Variants in NAALADL2 observed in about 807,000 individuals in gnomAD.
NAALADL2 encodes N-acetylated alpha-linked acidic dipeptidase like 2.
In NAALADL2, 76 loss-of-function variants were observed where a neutral mutation model predicts 87.2. The ratio of observed to expected loss-of-function variants is 0.87; its 90% confidence interval spans 0.72 to 1.05. NAALADL2 has a LOEUF of 1.05. NAALADL2 is among the 50% of genes least tolerant of loss of function. The probability of loss-of-function intolerance (pLI) is 0.00; values close to 1 mark genes in which losing one functional copy is unlikely to be tolerated. For missense variants in NAALADL2, 1,089 were observed against 945.8 expected (o/e 1.15, Z -1.99); for synonymous variants, 354 against 331.0 (o/e 1.07, Z -0.75).
At chr3:175,335,813 G>A (rs189567782) in intron 5 of NAALADL2, among the ~76,000 whole-genome samples, 1 of 152,084 alleles carries the variant, frequency 6.6e-6, no homozygotes, top group Non-Finnish European at 1.5e-5. Flanking sequence ...TGAATCTCTG[G>A]AATATTATGT....
intron 4 of NAALADL2, among the ~76,000 whole-genome samples, chr3:175,277,895 T>TCCCTGATCCCAC (rs1332906641): frequency 6.6e-6 from 1 of 152,198 alleles, no homozygotes; most frequent in Admixed American, 6.5e-5. Context: ...GTTACTTTCT[T>TCCCTGATCCCAC]AGACAATGCT....
At chr3:174,745,049 A>G (rs1415457642) in intron 3 of NAALADL2, among the ~76,000 whole-genome samples, 2 of 152,090 alleles carry the variant, frequency 1.3e-5, no homozygotes, top group African/African-American at 2.4e-5. Context: ...TAGAGAATTA[A>G]AAGCAAACAA....
At chr3:175,408,239 C>T (rs1213587624) in intron 5 of NAALADL2, among the ~76,000 whole-genome samples, 8 of 151,970 alleles carry the variant, frequency 5.3e-5, no homozygotes, top group Admixed American at 5.2e-4. Context: ...AATAGCAATG[C>T]ATTGTATATT....
chr3:175,300,755 T>TTATTTTTATTTA (rs774634887), intron 4 of NAALADL2, among the ~76,000 whole-genome samples: 39 of 146,376 alleles, frequency 2.7e-4, no homozygotes, highest in East Asian at 7.9e-4. Context: ...ATTTATTTAT[T>TTATTTTTATTTA]TTTATTTATT....
At chr3:175,625,212 T>C (rs189928664) in intron 10 of NAALADL2, among the ~76,000 whole-genome samples, 128 of 152,114 alleles carry the variant, frequency 8.4e-4, no homozygotes, top group African/African-American at 2.7e-3. Flanking sequence ...CCTTGGATAG[T>C]TACAGTTCTA....
At chr3:174,847,684 C>T (rs540434574) in intron 3 of NAALADL2, among the ~76,000 whole-genome samples, 25 of 152,070 alleles carry the variant, frequency 1.6e-4, no homozygotes, top group African/African-American at 5.8e-4. Flanking sequence ...TTACTTAGCA[C>T]CATTTTATGG....
intron 9 of NAALADL2, among the ~76,000 whole-genome samples, chr3:175,509,749 G>C (rs1267564249): frequency 6.6e-6 from 1 of 152,198 alleles, no homozygotes; most frequent in Non-Finnish European, 1.5e-5. Flanking sequence ...AGGGGAAGAG[G>C]TTTAATTGAC....
chr3:174,583,425 A>G lies in NAALADL2; in HGVS notation c.-115+32788A>G, dbSNP rs191953147. Among the ~76,000 whole-genome samples, 263 of 152,350 alleles carry G rather than the reference A, an allele frequency of 1.7e-3. 1 individual carries two copies. Among genetic ancestry groups the G allele is most frequent in the Non-Finnish European group, 2.9e-3 (198 of 68,034 alleles). ...TATTTTAGTTAACCCAAAAAGTAAC[A>G]TGGGATGGTTCAATCTGGCTTATTT... On this transcript the variant is annotated intron_variant, in intron 2 of 3. Transcript: ENST00000434257.
At chr3:174,563,650 GATTA>G (rs1206018345) in intron 2 of NAALADL2, among the ~76,000 whole-genome samples, 2 of 151,582 alleles carry the variant, frequency 1.3e-5, no homozygotes, top group African/African-American at 4.8e-5. Context: ...TTTCCATTAT[GATTA>G]ATTTATTTTC....
At chr3:174,689,471 C>T (rs541350421) in intron 2 of NAALADL2, among the ~76,000 whole-genome samples, 3 of 151,626 alleles carry the variant, frequency 2.0e-5, no homozygotes, top group African/African-American at 7.3e-5. Flanking sequence ...TTTCTGTTAT[C>T]CCATTCAACC....
chr3:175,045,340 T>A (rs553884888), intron 1 of NAALADL2, among the ~76,000 whole-genome samples: 1 of 152,190 alleles, frequency 6.6e-6, no homozygotes, highest in African/African-American at 2.4e-5. Flanking sequence ...GTTATTTCCT[T>A]GTACAGAATT....
chr3:174,461,221 A>C (rs1007361950), intron 1 of NAALADL2, among the ~76,000 whole-genome samples: 1 of 152,112 alleles, frequency 6.6e-6, no homozygotes, highest in African/African-American at 2.4e-5. Context: ...TGTATGCAAA[A>C]TGAATGTTTT....
rs77803683 is a variant in NAALADL2 at position 175,003,026 on chromosome 3, T to C, written c.44-93764T>C. 1.8e-3 allele frequency among the ~76,000 whole-genome samples: 272 copies of C among 152,314 alleles called. 2 individuals carry two copies. Among genetic ancestry groups the C allele is most frequent in the African/African-American group, 6.1e-3 (255 of 41,582 alleles). ...GGGACATCTTTTCTGATTAGTTTCA[T>C]AAACATTTGTATTAGTCACCAGTGC... On this transcript the variant is annotated intron_variant, in intron 1 of 13. Transcript: ENST00000454872.
In NAALADL2 at chr3:175,303,850, CT is replaced by C. The variant is rs922382122; in HGVS notation, c.940-20323del. ...CTTGATTTCACAATTTACCAATTGC[CT>C]TACATTACTAGAGTCCTTTCTAGAA... On this transcript the variant is annotated intron_variant, in intron 4 of 13. Transcript: ENST00000454872. 3.3e-5 allele frequency among the ~76,000 whole-genome samples: 5 copies of C among 152,248 alleles called. No individual in the cohort carries two copies. In the South Asian group the frequency reaches 1.0e-3, roughly 32 times the overall value.
intron 2 of NAALADL2, among the ~76,000 whole-genome samples, chr3:174,670,525 T>G (rs1025748930): frequency 1.3e-5 from 2 of 152,022 alleles, no homozygotes; most frequent in African/African-American, 4.8e-5. Flanking sequence ...CAACACAAAT[T>G]TATTAAGTAC....
chr3:174,480,889 A>G (rs775771839), intron 1 of NAALADL2, among the ~76,000 whole-genome samples: 2 of 152,090 alleles, frequency 1.3e-5, no homozygotes, highest in African/African-American at 2.4e-5. Context: ...CTCCTTGTAC[A>G]TACAGGTCCG....
intron 1 of NAALADL2, among the ~76,000 whole-genome samples, chr3:174,910,166 A>G (rs1255759211): frequency 1.4e-5 from 2 of 142,656 alleles, no homozygotes; most frequent in Non-Finnish European, 3.0e-5. Flanking sequence ...GTTTATATAC[A>G]TATATATATA....
exon 3 of NAALADL2, chr3:174,737,656 T>C (rs2109000665): frequency 6.6e-6 from 1 of 152,330 alleles, no homozygotes; most frequent in South Asian, 2.1e-4. Flanking sequence ...GAGCATTGAC[T>C]ATTAGGCACC....
At chr3:175,067,624 T>A (rs1000290683) in intron 1 of NAALADL2, among the ~76,000 whole-genome samples, 1 of 152,092 alleles carries the variant, frequency 6.6e-6, no homozygotes, top group African/African-American at 2.4e-5. Flanking sequence ...GAAAAAGGAA[T>A]GCTTATACAC....
Sources: gnomAD v4.1 joint callset for allele counts (sites outside exome capture counted in the v4.1 genomes callset) on GRCh38, gnomAD v4.1.1 for gene constraint, MANE v1.5 for transcripts, NCBI Gene and HGNC (gene_info 2026-07-23, HGNC 2026-07-21) for gene names.